Variants in BLOC1S3 observed in about 807,000 individuals in gnomAD.
BLOC1S3 encodes biogenesis of lysosomal organelles complex 1 subunit 3.
In BLOC1S3, 7 loss-of-function variants were observed where a neutral mutation model predicts 9.1. The ratio of observed to expected loss-of-function variants is 0.77; its 90% CI spans 0.44 to 1.45. BLOC1S3 has a LOEUF of 1.45. Ranked by LOEUF, BLOC1S3 falls within the 40% of genes most tolerant of loss-of-function variation. BLOC1S3 has a pLI of 0.01. For missense variants in BLOC1S3, 307 were observed against 315.2 expected, an observed-to-expected ratio of 0.97 and a Z score of 0.20; for synonymous variants, 145 against 158.4, an observed-to-expected ratio of 0.92 and a Z score of 0.64.
At chr19:45,213,112 C>A in intron 3 of BLOC1S3, 1 of 1,546,444 alleles carries the variant, frequency 6.5e-7, no homozygotes, top group South Asian at 1.2e-5. Flanking sequence ...AGGCCGGGGC[C>A]GAGGCAGACA....
chr19:45,188,764 G>A (rs1382138649), intron 2 of BLOC1S3, among the ~76,000 whole-genome samples: 1 of 151,582 alleles, frequency 6.6e-6, no homozygotes, highest in African/African-American at 2.4e-5. Flanking sequence ...TAGAGACGGG[G>A]TTTCACCACG....
At chr19:45,207,640 G>A (rs1384986248) in intron 3 of BLOC1S3, among the ~76,000 whole-genome samples, 1 of 149,848 alleles carries the variant, frequency 6.7e-6, no homozygotes, top group East Asian at 2.0e-4. Flanking sequence ...GGGAGGCTGA[G>A]TCACGAGAAT....
chr19:45,214,527 C>T (rs144670664), intron 3 of BLOC1S3, among the ~76,000 whole-genome samples: 1,751 of 152,052 alleles, frequency 0.012, 17 homozygotes, highest in South Asian at 0.023. Context: ...TGCAGTGGCG[C>T]GATCTCAGCT....
chr19:45,209,748 C>T (rs192854917), intron 3 of BLOC1S3, among the ~76,000 whole-genome samples: 77 of 146,852 alleles, frequency 5.2e-4, no homozygotes, highest in Admixed American at 4.1e-3. Context: ...GGCGGAGTTT[C>T]GCCCTTGTTG....
At chr19:45,204,642 G>A (rs770964340) in intron 3 of BLOC1S3, among the ~76,000 whole-genome samples, 14 of 152,150 alleles carry the variant, frequency 9.2e-5, no homozygotes, top group South Asian at 8.3e-4. Context: ...GATCAGCTGC[G>A]GCTGACCAGT....
intron 2 of BLOC1S3, among the ~76,000 whole-genome samples, chr19:45,197,691 G>A (rs552363893): frequency 8.1e-4 from 123 of 151,900 alleles, no homozygotes; most frequent in African/African-American, 2.9e-3. Context: ...CAGGCATGAT[G>A]GTGGGTGCCT....
chr19:45,190,074 C>G lies in BLOC1S3; in HGVS notation n.180+2334C>G, dbSNP rs571299268. Among the ~76,000 whole-genome samples the G allele has an allele frequency of 2.6e-5, 4 of 151,818 alleles. No homozygotes were observed. In the South Asian group the frequency reaches 8.3e-4, roughly 32 times the overall value. ...CTATGTAACCTGGCCTCGTCTCAAG[C>G]TCCTAGGCTCCAGTGACCCTCCTGC... On this transcript the variant is annotated intron_variant and non_coding_transcript_variant, in intron 2 of 3. Coordinates refer to the BLOC1S3 transcript ENST00000591569.
chr19:45,180,348 T>A lies in BLOC1S3; in HGVS notation c.*443T>A, dbSNP rs550362452. 7 of 153,102 alleles carry A rather than the reference T, an allele frequency of 4.6e-5. No individual in the cohort carries two copies. Among genetic ancestry groups the A allele is most frequent in the Non-Finnish European group, 1.0e-4 (7 of 69,402 alleles). The allele number at this position is 153,102 out of a possible 1,614,324, so 9.5% of individuals were successfully genotyped here. A position where few individuals can be genotyped will look rare whatever the true frequency, so the allele number is the denominator to read the frequency against. ...ACCTCGACCTCCTGGGCTCAAGTGA[T>A]CCTCCCAGCTCAGCCTTCAAGAGTA... is the stretch of plus-strand genomic sequence containing the variant. On this transcript the variant is annotated 3_prime_UTR_variant, in exon 2 of 2. Transcript: ENST00000433642.
intron 3 of BLOC1S3, among the ~76,000 whole-genome samples, chr19:45,202,930 C>T (rs2122929077): frequency 6.6e-6 from 1 of 152,144 alleles, no homozygotes; most frequent in East Asian, 1.9e-4. Context: ...CAGGGTGTGT[C>T]CAAAAATGTC....
intron 2 of BLOC1S3, among the ~76,000 whole-genome samples, chr19:45,199,309 C>CTT (rs34967306): frequency 0.011 from 762 of 72,464 alleles, 1 homozygote; most frequent in East Asian, 0.023. Context: ...GTGCCTTATT[C>CTT]TTTTTTTTTT....
chr19:45,214,717 G>A (rs962992627), intron 3 of BLOC1S3, among the ~76,000 whole-genome samples: 2 of 151,682 alleles, frequency 1.3e-5, no homozygotes, highest in Admixed American at 6.6e-5. Flanking sequence ...CACCTACCTC[G>A]GCCTCCCAAA....
intron 3 of BLOC1S3, chr19:45,213,330 G>A (rs1462042991): frequency 6.2e-7 from 1 of 1,613,680 alleles, no homozygotes; most frequent in Non-Finnish European, 8.5e-7. Flanking sequence ...GGCCACGGAT[G>A]TCGAGGAGGG....
chr19:45,179,096 C>A lies in BLOC1S3; in HGVS notation c.-9-192C>A, dbSNP rs1969463890. 3.7e-6 allele frequency: 2 copies of A among 541,634 alleles called. No homozygotes were observed. Among genetic ancestry groups the A allele is most frequent in the African/African-American group, 2.0e-5 (1 of 50,252 alleles). 33.6% of individuals were successfully genotyped at this position (541,634 alleles called of 1,614,324 possible). A position where few individuals can be genotyped will look rare whatever the true frequency, so the allele number is the denominator to read the frequency against. On this transcript the variant is annotated intron_variant, in intron 1 of 1. Coordinates refer to ENST00000433642, the MANE Select transcript of BLOC1S3 (RefSeq NM_212550.5). This position sits in a 1 kb window ranked among gnomAD's most constrained non-coding sequence, Gnocchi z 4.6. ...CTGGTCTTCAGTTTCCCCATCTGTA[C>A]GCTGAAGAGCCTGGGGTCCAGTAAC... is the stretch of plus-strand genomic sequence containing the variant.
At chr19:45,213,682 T>C (rs1041264104) in intron 3 of BLOC1S3, among the ~76,000 whole-genome samples, 1 of 152,022 alleles carries the variant, frequency 6.6e-6, no homozygotes, top group Non-Finnish European at 1.5e-5. Context: ...CCGTGGCTCA[T>C]GCCTGTAATC....
chr19:45,183,159 G>A (rs1020570084), downstream of BLOC1S3, among the ~76,000 whole-genome samples: 1 of 152,026 alleles, frequency 6.6e-6, no homozygotes, highest in African/African-American at 2.4e-5. Context: ...GTACCAGAAG[G>A]GGCCAGATAA....
intron 2 of BLOC1S3, among the ~76,000 whole-genome samples, chr19:45,200,727 G>T (rs1969684790): frequency 6.6e-6 from 1 of 152,174 alleles, no homozygotes; most frequent in Admixed American, 6.5e-5. Context: ...GTTCGTCAAT[G>T]GCTGGGCATT....
At chr19:45,197,413 G>T (rs931584167) in intron 2 of BLOC1S3, among the ~76,000 whole-genome samples, 1 of 150,804 alleles carries the variant, frequency 6.6e-6, no homozygotes, top group Non-Finnish European at 1.5e-5. Context: ...CTTGAACCCG[G>T]GAGGTGGAGT....
chr19:45,193,591 T>C (rs941072955), intron 2 of BLOC1S3, among the ~76,000 whole-genome samples: 6 of 151,922 alleles, frequency 3.9e-5, no homozygotes, highest in African/African-American at 1.5e-4. Context: ...GTATGTTTTG[T>C]AGTATTTTTG....
intron 3 of BLOC1S3, among the ~76,000 whole-genome samples, chr19:45,210,226 T>C (rs1204653964): frequency 1.4e-5 from 2 of 140,170 alleles, no homozygotes; most frequent in Non-Finnish European, 3.3e-5. Context: ...CAAATGAGTA[T>C]GAGGTTTCTT....
Sources: gnomAD v4.1 joint callset for allele counts (sites outside exome capture counted in the v4.1 genomes callset) on GRCh38, gnomAD v4.1.1 for gene constraint, Gnocchi (gnomAD v3.1) non-coding constraint, MANE v1.5 for transcripts, NCBI Gene and HGNC (gene_info 2026-07-23, HGNC 2026-07-21) for gene names.